The following RIMS1 variants were observed in gnomAD, a reference collection of about 807,000 sequenced individuals.
RIMS1 encodes regulating synaptic membrane exocytosis protein 1.
Under a neutral mutation model 214.1 loss-of-function variants are expected in RIMS1, and 83 were observed. That is an observed-to-expected ratio of 0.39 (90% CI 0.32 to 0.47). The LOEUF (loss-of-function observed/expected upper bound fraction) is 0.47, where lower values mean the gene tolerates loss of function less well. Among genes scored for constraint, RIMS1 ranks in the 20% least tolerant of loss-of-function variants. The probability of loss-of-function intolerance (pLI) is 0.99; values close to 1 mark genes in which losing one functional copy is unlikely to be tolerated. For synonymous variants in RIMS1, 793 were observed against 786.8 expected (o/e 1.01, Z -0.13); for missense variants, 2,050 against 2,161.8 (o/e 0.95, Z 1.03).
chr6:72,078,581 G>A (rs1832492128), intron 2 of RIMS1, among the ~76,000 whole-genome samples: 1 of 152,106 alleles, frequency 6.6e-6, no homozygotes, highest in East Asian at 1.9e-4. Context: ...CGGAAGTTGA[G>A]ACAGGTTGCT....
At chr6:72,196,819 T>A (rs2051069865) in intron 6 of RIMS1, among the ~76,000 whole-genome samples, 1 of 133,270 alleles carries the variant, frequency 7.5e-6, no homozygotes, top group Admixed American at 8.0e-5. Flanking sequence ...GAGGGTGTGG[T>A]GGTGGAGTAG....
chr6:72,083,216 G>A (rs924659090), intron 2 of RIMS1, among the ~76,000 whole-genome samples: 6 of 152,142 alleles, frequency 3.9e-5, no homozygotes, highest in African/African-American at 1.4e-4. Flanking sequence ...CATTCACCAA[G>A]TATTTCAGAG....
intron 9 of RIMS1, among the ~76,000 whole-genome samples, chr6:72,239,599 T>C (rs2065822588): frequency 6.6e-6 from 1 of 152,266 alleles, no homozygotes; most frequent in East Asian, 1.9e-4. Context: ...GACTTTTATT[T>C]AACATTTGCA....
At chr6:72,066,898 C>A (rs1829435180) in intron 2 of RIMS1, among the ~76,000 whole-genome samples, 1 of 152,078 alleles carries the variant, frequency 6.6e-6, no homozygotes, top group African/African-American at 2.4e-5. Context: ...CTTAAAACTT[C>A]TCTTTCATTC....
At chr6:72,055,293 C>T (rs1383098786) in intron 2 of RIMS1, among the ~76,000 whole-genome samples, 1 of 151,970 alleles carries the variant, frequency 6.6e-6, no homozygotes, top group Non-Finnish European at 1.5e-5. Context: ...CTGGGTGTTC[C>T]TTATATATTA....
At chr6:72,123,502 G>C (rs1268503513) in intron 4 of RIMS1, among the ~76,000 whole-genome samples, 2 of 151,856 alleles carry the variant, frequency 1.3e-5, no homozygotes, top group Non-Finnish European at 2.9e-5. Flanking sequence ...TTGGTGCAGA[G>C]CTGAGTTCAA....
At chr6:72,146,682 T>C (rs2042801083) in intron 4 of RIMS1, among the ~76,000 whole-genome samples, 1 of 152,232 alleles carries the variant, frequency 6.6e-6, no homozygotes, top group African/African-American at 2.4e-5. Flanking sequence ...CCACACCTTG[T>C]TCAAACCTTT....
intron 2 of RIMS1, among the ~76,000 whole-genome samples, chr6:72,004,753 G>T (rs896233313): frequency 2.0e-4 from 31 of 151,850 alleles, no homozygotes; most frequent in African/African-American, 5.5e-4. Flanking sequence ...TGAGTTCTTT[G>T]TAGATTCTGG....
chr6:72,245,418 C>CT (rs2068998591), intron 10 of RIMS1, among the ~76,000 whole-genome samples: 1 of 151,974 alleles, frequency 6.6e-6, no homozygotes, highest in Non-Finnish European at 1.5e-5. Flanking sequence ...TTGGTAAACT[C>CT]TTTCAGATGT....
intron 24 of RIMS1, among the ~76,000 whole-genome samples, chr6:72,286,157 A>G (rs1337671131): frequency 2.0e-5 from 3 of 151,686 alleles, no homozygotes; most frequent in East Asian, 1.9e-4. Context: ...AGATTGCGCC[A>G]TTGCACTCCA....
rs779982606 is a variant in RIMS1, at chr6:72,265,445, CTTCATCA to C, written c.3252_3258del (p.His1085AsnfsTer8). 6.2e-7 allele frequency: 1 copy of C among 1,610,564 alleles called. No individual in the cohort carries two copies. The highest frequency in any genetic ancestry group is 1.1e-5 in the South Asian group (1 of 90,804). On this transcript the variant is annotated frameshift_variant, in exon 21 of 34. Coordinates refer to ENST00000521978, the MANE Select transcript of RIMS1 (RefSeq NM_014989.7). LOFTEE classifies it high-confidence loss of function. ...ATCAGTGACTAGACAGGACATTTCC[CTTCATCA>C]TGAATGCTTTAACTCAACAGTATTG...
At chr6:72,076,609 G>A (rs1167354177) in intron 2 of RIMS1, among the ~76,000 whole-genome samples, 1 of 152,158 alleles carries the variant, frequency 6.6e-6, no homozygotes, top group Non-Finnish European at 1.5e-5. Flanking sequence ...ATAACACTGA[G>A]GGTTAAAGGA....
chr6:72,111,767 T>C (rs1051305353), intron 4 of RIMS1, among the ~76,000 whole-genome samples: 49 of 152,146 alleles, frequency 3.2e-4, no homozygotes, highest in African/African-American at 1.1e-3. Context: ...GAGAGGTCTC[T>C]CTCTGGGCCA....
chr6:72,393,085 GAA>G (rs36027740), intron 31 of RIMS1, among the ~76,000 whole-genome samples: 5 of 131,668 alleles, frequency 3.8e-5, no homozygotes, highest in Non-Finnish European at 3.2e-5. Flanking sequence ...TCACAGCATG[GAA>G]AAAAAAAAAA....
intron 6 of RIMS1, among the ~76,000 whole-genome samples, chr6:72,203,725 T>C (rs2052439930): frequency 6.6e-6 from 1 of 152,220 alleles, no homozygotes; most frequent in Non-Finnish European, 1.5e-5. Flanking sequence ...CCCAAATTTA[T>C]TTTAATGTGT....
intron 29 of RIMS1, among the ~76,000 whole-genome samples, chr6:72,353,654 G>T (rs1415669807): frequency 2.6e-5 from 4 of 152,224 alleles, no homozygotes; most frequent in Non-Finnish European, 5.9e-5. Flanking sequence ...TGATTGGGAA[G>T]TGGTCACGTC....
intron 2 of RIMS1, among the ~76,000 whole-genome samples, chr6:72,047,813 T>C (rs1262902016): frequency 6.6e-6 from 1 of 152,218 alleles, no homozygotes; most frequent in Non-Finnish European, 1.5e-5. Flanking sequence ...CTATTCTCTT[T>C]GTGTGGTTTG....
At chr6:72,183,917 T>C (rs1422856532) in intron 6 of RIMS1, among the ~76,000 whole-genome samples, 1 of 152,204 alleles carries the variant, frequency 6.6e-6, no homozygotes, top group Non-Finnish European at 1.5e-5. Flanking sequence ...ACTTATAGAC[T>C]ACGTGGCGCC....
At chr6:72,326,095 T>G (rs1242712062) in intron 28 of RIMS1, among the ~76,000 whole-genome samples, 1 of 151,914 alleles carries the variant, frequency 6.6e-6, no homozygotes, top group African/African-American at 2.4e-5. Flanking sequence ...ATTGTGAACT[T>G]ATATGCATTA....
Sources: gnomAD v4.1 joint callset for allele counts (sites outside exome capture counted in the v4.1 genomes callset) on GRCh38, gnomAD v4.1.1 for gene constraint, MANE v1.5 for transcripts, NCBI Gene and HGNC (gene_info 2026-07-23, HGNC 2026-07-21) for gene names.